The following PSD3 variants were observed in gnomAD, a reference collection of about 807,000 sequenced individuals.
PSD3 encodes pleckstrin and Sec7 domain containing 3.
A neutral mutation model predicts 105.5 loss-of-function variants in PSD3; 49 were observed. The observed-to-expected ratio is 0.46, with a 90% CI of 0.37 to 0.59. PSD3 has a LOEUF of 0.59. Ranked by LOEUF, PSD3 falls within the 20% of genes least tolerant of loss-of-function variation. The probability of loss-of-function intolerance (pLI) is 0.00; values close to 1 mark genes in which losing one functional copy is unlikely to be tolerated. For missense variants in PSD3, 1,561 were observed against 1,263.8 expected, an observed-to-expected ratio of 1.24 and a Z score of -3.57; for synonymous variants, 557 against 457.8, an observed-to-expected ratio of 1.22 and a Z score of -2.77.
intron 2 of PSD3, among the ~76,000 whole-genome samples, chr8:18,873,739 C>T (rs1817543771): frequency 6.6e-6 from 1 of 152,190 alleles, no homozygotes; most frequent in Non-Finnish European, 1.5e-5. Flanking sequence ...ATCCCACCAC[C>T]CACCAGTCCC....
intron 1 of PSD3, among the ~76,000 whole-genome samples, chr8:19,003,383 A>G (rs1826501882): frequency 6.6e-6 from 1 of 151,898 alleles, no homozygotes; most frequent in African/African-American, 2.4e-5. Context: ...CCCCGTCTTT[A>G]AAAAACAAAA....
At chr8:18,899,998 C>CT in intron 2 of PSD3, among the ~76,000 whole-genome samples, 1 of 152,112 alleles carries the variant, frequency 6.6e-6, no homozygotes. Context: ...AAAGGGGGCA[C>CT]TTTTTTTCTA....
intron 8 of PSD3, among the ~76,000 whole-genome samples, chr8:18,782,824 C>T (rs1056082004): frequency 6.6e-6 from 1 of 152,142 alleles, no homozygotes; most frequent in Non-Finnish European, 1.5e-5. Context: ...TGGCCATCAC[C>T]GAGCATCCAA....
intron 1 of PSD3, among the ~76,000 whole-genome samples, chr8:19,055,868 A>G (rs1828693410): frequency 6.6e-6 from 1 of 152,238 alleles, no homozygotes; most frequent in African/African-American, 2.4e-5. Context: ...AAAGGTAGAC[A>G]CAGAAATCAA....
intron 1 of PSD3, among the ~76,000 whole-genome samples, chr8:18,965,048 C>T (rs531804325): frequency 3.9e-5 from 6 of 152,260 alleles, no homozygotes; most frequent in African/African-American, 1.2e-4. Flanking sequence ...TTTTTAAATG[C>T]GGCTAACTCA....
intron 2 of PSD3, among the ~76,000 whole-genome samples, chr8:18,881,224 G>T (rs951173525): frequency 6.6e-6 from 1 of 152,110 alleles, no homozygotes; most frequent in African/African-American, 2.4e-5. Flanking sequence ...AGAAAGAAAT[G>T]AGATACATTT....
rs73666746 is a variant in PSD3, at chr8:18,890,878, T to C, written c.131-18145A>G. On this transcript the variant is annotated intron_variant, in intron 2 of 15. Transcript: ENST00000327040. ...GTGGCAGAAAGTCACAATGAACATT[T>C]TGAGATTCCTGTCTTCCAGGGACCA... 1.6e-3 allele frequency among the ~76,000 whole-genome samples: 248 copies of C among 152,242 alleles called. 1 individual carries two copies. Among genetic ancestry groups the C allele is most frequent in the African/African-American group, 5.4e-3 (223 of 41,530 alleles).
chr8:18,778,789 C>G (rs1054335696), intron 8 of PSD3, among the ~76,000 whole-genome samples: 1 of 151,782 alleles, frequency 6.6e-6, no homozygotes, highest in Non-Finnish European at 1.5e-5. Flanking sequence ...ACCATCCTAC[C>G]ATCCCTGGAA....
chr8:18,738,014 T>A (rs1459401985), intron 9 of PSD3, among the ~76,000 whole-genome samples: 1 of 152,168 alleles, frequency 6.6e-6, no homozygotes, highest in Non-Finnish European at 1.5e-5. Context: ...GAAGCTATCT[T>A]TGCTAGATTT....
At chr8:18,819,636 T>C (rs1481872848) in intron 4 of PSD3, among the ~76,000 whole-genome samples, 1 of 138,404 alleles carries the variant, frequency 7.2e-6, no homozygotes, top group African/African-American at 2.7e-5. Context: ...TGGAGTGCAG[T>C]GGCGCAATCT....
At chr8:19,062,311 G>A (rs572013141) in intron 1 of PSD3, among the ~76,000 whole-genome samples, 1 of 152,246 alleles carries the variant, frequency 6.6e-6, no homozygotes, top group South Asian at 2.1e-4. Flanking sequence ...TCCTCTCAGT[G>A]TGTTTTGCAG....
chr8:18,771,121 T>C (rs1185158807), intron 8 of PSD3, among the ~76,000 whole-genome samples: 1 of 152,130 alleles, frequency 6.6e-6, no homozygotes, highest in African/African-American at 2.4e-5. Flanking sequence ...CTGCTTCTCC[T>C]CTCTCTGCTG....
intron 1 of PSD3, among the ~76,000 whole-genome samples, chr8:19,062,646 AG>A (rs1449840269): frequency 6.6e-6 from 1 of 152,214 alleles, no homozygotes; most frequent in African/African-American, 2.4e-5. Context: ...TATAAGTAAA[AG>A]ACACATACTA....
intron 12 of PSD3, among the ~76,000 whole-genome samples, chr8:18,590,890 T>C (rs1803552500): frequency 6.6e-6 from 1 of 152,136 alleles, no homozygotes; most frequent in Non-Finnish European, 1.5e-5. Context: ...AAACTTTTAA[T>C]AAGAAACTGT....
chr8:18,871,655 C>G lies in PSD3; in HGVS notation c.1209G>C (p.Lys403Asn), dbSNP rs1817353689. The G allele has an allele frequency of 6.2e-7, 1 of 1,611,742 alleles. No individual in the cohort carries two copies. The highest frequency in any genetic ancestry group is 1.3e-5 in the African/African-American group (1 of 74,846). The change falls in exon 3 of 16, where the codon AAG becomes AAC. Residue 403 changes from lysine to asparagine, a missense_variant. Coordinates refer to ENST00000327040, the MANE Select transcript of PSD3 (RefSeq NM_015310.4). ...CCCTGTCTCTCTCTGGTTTAGGTGT[C>G]TTCTCAAGATGCTGTTTGTTTTCCT... is the stretch of plus-strand genomic sequence containing the variant. ...FLQENKQHLE[K>N]TPKPERDRER... is the part of the protein sequence containing the mutation.
intron 2 of PSD3, among the ~76,000 whole-genome samples, chr8:18,913,294 G>C (rs1027932235): frequency 6.6e-6 from 1 of 151,624 alleles, no homozygotes; most frequent in Non-Finnish European, 1.5e-5. Context: ...TCTCTATCTC[G>C]GGTTGATTCT....
chr8:18,735,411 G>T (rs751815690), intron 9 of PSD3, among the ~76,000 whole-genome samples: 1 of 152,160 alleles, frequency 6.6e-6, no homozygotes, highest in Non-Finnish European at 1.5e-5. Context: ...ACTGAATGGC[G>T]AATGGACGAT....
intron 1 of PSD3, among the ~76,000 whole-genome samples, chr8:19,013,011 T>TA (rs555191140): frequency 2.0e-4 from 30 of 150,740 alleles, no homozygotes; most frequent in Non-Finnish European, 2.8e-4. Context: ...TTAATGTGTT[T>TA]AAAAAAAAAA....
At chr8:18,696,180 G>A (rs1260032425) in intron 9 of PSD3, among the ~76,000 whole-genome samples, 1 of 152,192 alleles carries the variant, frequency 6.6e-6, no homozygotes, top group African/African-American at 2.4e-5. Context: ...ATTCACAGAG[G>A]CCTTTGTTGA....
Sources: allele counts gnomAD v4.1 joint callset (sites outside exome capture counted in the v4.1 genomes callset), GRCh38; gene constraint gnomAD v4.1.1; transcripts MANE v1.5; gene names NCBI Gene and HGNC (gene_info 2026-07-23, HGNC 2026-07-21).